The following ZHX2 variants were observed in gnomAD, a reference collection of about 807,000 sequenced individuals.
ZHX2 encodes zinc fingers and homeoboxes 2.
Under a neutral mutation model 21.9 loss-of-function variants are expected in ZHX2, and 6 were observed. That is an observed-to-expected ratio of 0.27 (90% CI 0.15 to 0.54). ZHX2 has a LOEUF of 0.54. Among genes scored for constraint, ZHX2 ranks in the 20% least tolerant of loss-of-function variants. The probability of loss-of-function intolerance (pLI) is 0.95; values close to 1 mark genes in which losing one functional copy is unlikely to be tolerated. For missense variants in ZHX2, 908 were observed against 1,090.7 expected (o/e 0.83, Z 2.36); for synonymous variants, 434 against 437.1 (o/e 0.99, Z 0.09).
At chr8:122,935,331 T>C (rs1380069147) in intron 2 of ZHX2, among the ~76,000 whole-genome samples, 1 of 152,120 alleles carries the variant, frequency 6.6e-6, no homozygotes, top group African/African-American at 2.4e-5. Context: ...CAAAAAAGTA[T>C]CTTTGGGGAG....
intron 1 of ZHX2, among the ~76,000 whole-genome samples, chr8:122,802,302 A>ATCC (rs1425705719): frequency 6.6e-6 from 1 of 152,138 alleles, no homozygotes; most frequent in East Asian, 1.9e-4. Flanking sequence ...GCCTCCAGTG[A>ATCC]TCCACCCACC....
intron 2 of ZHX2, among the ~76,000 whole-genome samples, chr8:122,894,772 T>G (rs56219490): frequency 0.036 from 5,481 of 152,220 alleles, 326 homozygotes; most frequent in African/African-American, 0.13. Context: ...ATTGTGCACA[T>G]GTACCCTAAA....
At chr8:122,785,233 C>T (rs1465609872) in intron 1 of ZHX2, among the ~76,000 whole-genome samples, 2 of 152,196 alleles carry the variant, frequency 1.3e-5, no homozygotes, top group African/African-American at 4.8e-5. Flanking sequence ...TCACTGCATT[C>T]GGCTGCTAGC....
At chr8:122,820,848 T>C (rs1320237278) in intron 1 of ZHX2, among the ~76,000 whole-genome samples, 1 of 152,220 alleles carries the variant, frequency 6.6e-6, no homozygotes, top group Non-Finnish European at 1.5e-5. Flanking sequence ...TCAGCCACCC[T>C]GGCTTCCAAA....
chr8:122,955,404 G>A (rs545910311), intron 3 of ZHX2, among the ~76,000 whole-genome samples: 1 of 152,190 alleles, frequency 6.6e-6, no homozygotes, highest in African/African-American at 2.4e-5. Flanking sequence ...GATTGATAAG[G>A]TCCCAAAGGC....
chr8:122,823,301 G>T (rs955118046), intron 1 of ZHX2, among the ~76,000 whole-genome samples: 1 of 152,202 alleles, frequency 6.6e-6, no homozygotes, highest in African/African-American at 2.4e-5. Context: ...CTTATACTCA[G>T]CTCTCTCTGA....
chr8:122,902,752 A>G (rs1273223481), intron 2 of ZHX2, among the ~76,000 whole-genome samples: 1 of 152,240 alleles, frequency 6.6e-6, no homozygotes, highest in Admixed American at 6.5e-5. Context: ...AGTCTGATAC[A>G]TAGTACTGAA....
chr8:122,832,204 C>T (rs1424635290), intron 1 of ZHX2, among the ~76,000 whole-genome samples: 2 of 152,256 alleles, frequency 1.3e-5, no homozygotes, highest in Middle Eastern at 3.4e-3. Flanking sequence ...GGAGTTTCTA[C>T]GAATAGAGCA....
intron 1 of ZHX2, among the ~76,000 whole-genome samples, chr8:122,785,225 A>G (rs1188867129): frequency 2.6e-5 from 4 of 152,232 alleles, no homozygotes; most frequent in African/African-American, 9.6e-5. Context: ...AGCCAATATC[A>G]CTGCATTCGG....
At chr8:122,854,238 T>A (rs1350546190) in intron 1 of ZHX2, among the ~76,000 whole-genome samples, 1 of 152,198 alleles carries the variant, frequency 6.6e-6, no homozygotes, top group Non-Finnish European at 1.5e-5. Context: ...CCCTGAGTCC[T>A]CACCCCACAC....
intron 2 of ZHX2, among the ~76,000 whole-genome samples, chr8:122,920,228 C>T (rs888820202): frequency 2.6e-5 from 4 of 151,988 alleles, no homozygotes; most frequent in African/African-American, 7.3e-5. Flanking sequence ...GAGCCGAGAT[C>T]GTGCCGTTGC....
intron 2 of ZHX2, among the ~76,000 whole-genome samples, chr8:122,946,217 ATGGTGC>A (rs1563597797): frequency 6.6e-6 from 1 of 152,192 alleles, no homozygotes. Context: ...ACCAGACTTC[ATGGTGC>A]TGGTCCTCAC....
intron 1 of ZHX2, among the ~76,000 whole-genome samples, chr8:122,788,106 A>G (rs563300656): frequency 6.6e-6 from 1 of 152,332 alleles, no homozygotes; most frequent in African/African-American, 2.4e-5. Context: ...GACACAGCAC[A>G]AGCACATGGT....
In ZHX2 at chr8:122,951,729, A is replaced by T; in HGVS notation, c.219A>T (p.Lys73Asn). 6.2e-7 allele frequency: 1 copy of T among 1,613,432 alleles called. No homozygotes were observed. Among genetic ancestry groups the T allele is most frequent in the Non-Finnish European group, 8.5e-7 (1 of 1,179,846 alleles). The change falls in exon 3 of 4, where the codon AAA (lysine) becomes AAT (asparagine). Residue 73 changes from lysine (K) to asparagine (N), a missense_variant. By Grantham distance (94) the Lys-to-Asn change is moderately conservative (BLOSUM62 0). Coordinates refer to ENST00000314393, the MANE Select transcript of ZHX2 (RefSeq NM_014943.5). ...CTATGGGGGAAAGCCAGTCCAAAAA[A>T]CTCCAAGGTGGTTATGAGTGCAAAT... is the stretch of plus-strand genomic sequence containing the variant. ...VKSMGESQSK[K>N]LQGGYECKYC...
chr8:122,824,641 C>G (rs527591566), intron 1 of ZHX2, among the ~76,000 whole-genome samples: 1 of 152,266 alleles, frequency 6.6e-6, no homozygotes, highest in Admixed American at 6.5e-5. Flanking sequence ...TCACTGGTAC[C>G]AATATAGGGC....
chr8:122,784,009 A>G (rs1353742732), intron 1 of ZHX2, among the ~76,000 whole-genome samples: 1 of 152,240 alleles, frequency 6.6e-6, no homozygotes, highest in African/African-American at 2.4e-5. Context: ...ATTGTGCTTC[A>G]GGGGAAAATG....
intron 2 of ZHX2, among the ~76,000 whole-genome samples, chr8:122,890,332 C>T (rs1563770158): frequency 6.6e-6 from 1 of 152,060 alleles, no homozygotes; most frequent in Admixed American, 6.6e-5. Context: ...TTTTATAATG[C>T]CCATACCATA....
chr8:122,865,690 A>G (rs906184451), intron 2 of ZHX2, among the ~76,000 whole-genome samples: 12 of 152,340 alleles, frequency 7.9e-5, no homozygotes, highest in African/African-American at 2.9e-4. Context: ...GTTCAATTTA[A>G]TGAGTTAATT....
intron 2 of ZHX2, among the ~76,000 whole-genome samples, chr8:122,904,305 C>T (rs1820297592): frequency 6.6e-6 from 1 of 152,162 alleles, no homozygotes; most frequent in African/African-American, 2.4e-5. Context: ...TGGTCCAGCC[C>T]CTGCTCCACC....
Sources: allele counts gnomAD v4.1 joint callset (sites outside exome capture counted in the v4.1 genomes callset), GRCh38; gene constraint gnomAD v4.1.1; transcripts MANE v1.5; gene names NCBI Gene and HGNC (gene_info 2026-07-23, HGNC 2026-07-21).